The following SPRED2 variants were observed in gnomAD, a reference collection of about 807,000 sequenced individuals.
SPRED2 encodes sprouty related EVH1 domain containing 2.
A neutral mutation model predicts 43.0 loss-of-function variants in SPRED2; 47 were observed. That is an observed-to-expected ratio of 1.09 (90% CI 0.87 to 1.40). The LOEUF is 1.40. Ranked by LOEUF, SPRED2 falls within the 40% of genes most tolerant of loss-of-function variation. The pLI is 0.00. For synonymous variants in SPRED2, 225 were observed against 225.7 expected (o/e 1.00, Z 0.03); for missense variants, 561 against 586.4 (o/e 0.96, Z 0.45).
chr2:65,406,312 C>T (rs1572897876), intron 1 of SPRED2, among the ~76,000 whole-genome samples: 1 of 152,200 alleles, frequency 6.6e-6, no homozygotes, highest in African/African-American at 2.4e-5. Context: ...ACCAACTTTC[C>T]AATCCTCCCA....
intron 1 of SPRED2, among the ~76,000 whole-genome samples, chr2:65,418,921 C>A (rs1296305659): frequency 6.6e-6 from 1 of 151,840 alleles, no homozygotes; most frequent in African/African-American, 2.4e-5. Flanking sequence ...GAATAAAAGT[C>A]TTTTTTTAAA....
At chr2:65,401,935 G>GCGCGCGCACGCA (rs1553426609) in intron 1 of SPRED2, among the ~76,000 whole-genome samples, 2 of 89,306 alleles carry the variant, frequency 2.2e-5, no homozygotes, top group African/African-American at 7.2e-5. Context: ...TAGCGCGCGC[G>GCGCGCGCACGCA]CGCACACACA....
At position 65,314,150 on chromosome 2, in the gene SPRED2, C is replaced by T. The variant is rs760088074; in HGVS notation, c.608G>A (p.Arg203His). 6.3e-7 allele frequency: 1 copy of T among 1,597,170 alleles called. No individual in the cohort carries two copies. Among genetic ancestry groups the T allele is most frequent in the East Asian group, 2.3e-5 (1 of 44,396 alleles). Residue 203 changes from arginine (R) to histidine (H), a missense_variant, in exon 6 of 6, where the codon CGC (arginine) becomes CAC (histidine). By Grantham distance (29) the Arg-to-His change is conservative (BLOSUM62 0). Around this residue, in one of 6 missense-constraint regions of SPRED2, gnomAD observed 305 missense variants for 282.4 expected, o/e 1.08. Transcript: ENST00000356388. ...HLDQPMPRPY[R>H]QVSFPDDDEE... The stretch of plus-strand genomic sequence containing the variant: ...GTCGTCGTCCGGGAAGCTCACCTGG[C>T]GGTAGGGCCTTGGCATCGGCTGTCC...
chr2:65,320,236 C>T (rs1334416497), intron 4 of SPRED2, among the ~76,000 whole-genome samples: 8 of 152,324 alleles, frequency 5.3e-5, no homozygotes, highest in Non-Finnish European at 1.0e-4. Flanking sequence ...TTGTAATAAG[C>T]TCTCAGTACT....
chr2:65,307,845 G>A (rs908734985), downstream of SPRED2, among the ~76,000 whole-genome samples: 11 of 152,188 alleles, frequency 7.2e-5, no homozygotes, highest in African/African-American at 2.4e-4. Context: ...AAGGAAGAGC[G>A]GTTTTTCTAA....
chr2:65,313,683 C>A lies in SPRED2; in HGVS notation c.1075G>T (p.Gly359Ter). ...MLYHCMSDPE[G>*]DYTDPCSCDT... ...CACGAGCAAGGGTCTGTATAGTCTC[C>A]CTCGGGGTCCGACATACAGTGATAG... Residue 359 changes from glycine (G) to a stop codon, truncating the protein, a stop_gained, in exon 6 of 6, where the codon GGA becomes TGA. Transcript: ENST00000356388. LOFTEE classifies it high-confidence loss of function. 1.2e-6 allele frequency: 2 copies of A among 1,614,178 alleles called. No individual in the cohort carries two copies. Among genetic ancestry groups the A allele is most frequent in the East Asian group, 2.2e-5 (1 of 44,878 alleles).
intron 1 of SPRED2, among the ~76,000 whole-genome samples, chr2:65,363,005 GTTTTTTTTTTT>G (rs113081105): frequency 8.3e-6 from 1 of 121,104 alleles, no homozygotes; most frequent in South Asian, 2.5e-4. Flanking sequence ...ATCATGTTTT[GTTTTTTTTTTT>G]TTTTTTTTTT....
intron 1 of SPRED2, among the ~76,000 whole-genome samples, chr2:65,414,008 C>G (rs998885298): frequency 3.3e-5 from 5 of 152,186 alleles, no homozygotes; most frequent in Non-Finnish European, 5.9e-5. Context: ...AAGTTGTTAA[C>G]ATTCCCACTC....
At chr2:65,407,489 T>G (rs1676053238) in intron 1 of SPRED2, among the ~76,000 whole-genome samples, 1 of 151,794 alleles carries the variant, frequency 6.6e-6, no homozygotes, top group South Asian at 2.1e-4. Flanking sequence ...AGAGCTGCAA[T>G]CAAGAAGGTA....
chr2:65,349,132 C>T (rs751805320), intron 1 of SPRED2, among the ~76,000 whole-genome samples: 3 of 151,944 alleles, frequency 2.0e-5, no homozygotes, highest in Non-Finnish European at 4.4e-5. Context: ...CATGGTGAAA[C>T]CCCGTCTCTA....
At chr2:65,339,077 G>C (rs57368574) in intron 2 of SPRED2, among the ~76,000 whole-genome samples, 3 of 112,354 alleles carry the variant, frequency 2.7e-5, no homozygotes, top group African/African-American at 8.0e-5. Context: ...CGGGCCAGCC[G>C]CTCCGTCCGG....
chr2:65,414,394 C>T (rs1032125043), intron 1 of SPRED2, among the ~76,000 whole-genome samples: 2 of 152,224 alleles, frequency 1.3e-5, no homozygotes, highest in African/African-American at 4.8e-5. Context: ...TTGAGAACCA[C>T]GGAGTATCAT....
intron 1 of SPRED2, among the ~76,000 whole-genome samples, chr2:65,354,876 T>G (rs1674603945): frequency 6.6e-6 from 1 of 152,188 alleles, no homozygotes; most frequent in Admixed American, 6.5e-5. Flanking sequence ...AAGTAATGTC[T>G]AAGACAGATT....
At chr2:65,377,731 C>T (rs1248902283) in intron 1 of SPRED2, 2 of 471,044 alleles carry the variant, frequency 4.2e-6, no homozygotes, top group Non-Finnish European at 8.8e-6. Context: ...CTGGTCCTTC[C>T]ATCAGAACAC....
rs1673828960 is a variant in SPRED2, at chr2:65,332,062, A to G, written c.374-11T>C. 1 of 1,589,218 alleles carries G rather than the reference A, an allele frequency of 6.3e-7. No homozygotes were observed. Among genetic ancestry groups the G allele is most frequent in the African/African-American group, 1.3e-5 (1 of 74,408 alleles). The stretch of plus-strand genomic sequence containing the variant: ...ATGACGTTGTTGAACCTAAAAAGAC[A>G]AAAATGTAATAAAAAGTGTTTCCCA... On this transcript the variant is annotated splice_polypyrimidine_tract_variant and intron_variant, in intron 3 of 5. Transcript: ENST00000356388.
intron 2 of SPRED2, among the ~76,000 whole-genome samples, chr2:65,340,274 A>C (rs1674139546): frequency 2.0e-5 from 3 of 152,244 alleles, no homozygotes; most frequent in Non-Finnish European, 4.4e-5. Context: ...AAAAAAGTTT[A>C]AGAACTGTTA....
At chr2:65,429,831 G>T (rs1676637446) in intron 1 of SPRED2, among the ~76,000 whole-genome samples, 1 of 152,180 alleles carries the variant, frequency 6.6e-6, no homozygotes, top group Non-Finnish European at 1.5e-5. Flanking sequence ...CTCTCAACTG[G>T]ACTCGTGACA....
chr2:65,429,226 T>C (rs1349781243), intron 1 of SPRED2, among the ~76,000 whole-genome samples: 7 of 152,226 alleles, frequency 4.6e-5, no homozygotes, highest in Admixed American at 1.3e-4. Flanking sequence ...GAAACAGATA[T>C]TATCTGGACC....
intron 1 of SPRED2, among the ~76,000 whole-genome samples, chr2:65,415,736 A>T (rs1164370431): frequency 6.6e-6 from 1 of 151,616 alleles, no homozygotes; most frequent in Non-Finnish European, 1.5e-5. Context: ...TTATTTTTTA[A>T]TTTTTTTTAT....
Sources: allele counts gnomAD v4.1 joint callset (sites outside exome capture counted in the v4.1 genomes callset), GRCh38; gene constraint gnomAD v4.1.1; regional missense constraint gnomAD v4.1.1; transcripts MANE v1.5; gene names NCBI Gene and HGNC (gene_info 2026-07-23, HGNC 2026-07-21).